SEC16A: variants seen among roughly 807,000 people sequenced by gnomAD.
The protein encoded by SEC16A is protein transport protein Sec16A.
A neutral mutation model predicts 221.9 loss-of-function variants in SEC16A; 110 were observed. The observed-to-expected ratio is 0.50, with a 90% CI of 0.42 to 0.58. The LOEUF (loss-of-function observed/expected upper bound fraction) is 0.58, where lower values mean the gene tolerates loss of function less well. SEC16A is among the 20% of genes least tolerant of loss of function. The pLI, the probability that SEC16A is intolerant of heterozygous loss-of-function variation, is 0.00. For synonymous variants in SEC16A, 1,393 were observed against 1,257.7 expected (o/e 1.11, Z -2.28); for missense variants, 3,165 against 3,097.8 (o/e 1.02, Z -0.52).
Position 136,475,378 on chromosome 9 carries a change from C to G in SEC16A, c.2238G>C (p.Ala746=). ...GCTGAGGTTTTGCACACACATAAAG[C>G]GCCGGGGCTGCAGGGGCCAGAAGGA... ...GNVLLAPAAP[A]LYVCAKPQPP... The change falls in exon 3 of 32, where the codon GCG becomes GCC. Residue 746 remains alanine (A), a synonymous_variant. Coordinates refer to ENST00000684901, the MANE Select transcript of SEC16A (RefSeq NM_014866.2). This position sits in a 1 kb window ranked among gnomAD's most constrained non-coding sequence, Gnocchi z 5.0. 1 of 1,609,132 alleles carries G rather than the reference C, an allele frequency of 6.2e-7. No individual in the cohort carries two copies. Among genetic ancestry groups the G allele is most frequent in the Non-Finnish European group, 8.5e-7 (1 of 1,176,848 alleles).
At position 136,476,930 on chromosome 9, in the gene SEC16A, C is replaced by T. The variant is rs751016125; in HGVS notation, c.686G>A (p.Arg229His). 3.1e-6 allele frequency: 5 copies of T among 1,611,962 alleles called. No individual in the cohort carries two copies. The highest frequency in any genetic ancestry group is 1.7e-5 in the Admixed American group (1 of 59,984). Residue 229 changes from arginine to histidine, a missense_variant, in exon 3 of 32, where the codon CGT becomes CAT. Around this residue, in one of 3 missense-constraint regions of SEC16A, gnomAD observed 2,030 missense variants for 1,923.1 expected, o/e 1.06. Transcript: ENST00000684901. ...QGGPQPSGQH[R>H]SPCPEGPVPS... The stretch of plus-strand genomic sequence containing the variant: ...AACAGGTCCTTCAGGGCAGGGTGAA[C>T]GATGTTGCCCCGAGGGCTGTGGGCC...
Position 136,476,270 on chromosome 9 carries a change from G to A in SEC16A, c.1346C>T (p.Pro449Leu), listed in dbSNP as rs376213692. The A allele has an allele frequency of 4.2e-5, 68 of 1,613,242 alleles. No homozygotes were observed. Among genetic ancestry groups the A allele is most frequent in the East Asian group, 4.0e-4 (18 of 44,880 alleles). Residue 449 changes from proline (P) to leucine (L), a missense_variant, in exon 3 of 32, where the codon CCG becomes CTG. Physicochemically the swap from Pro to Leu is moderately conservative, Grantham distance 98. Transcript: ENST00000684901. ...VWGDTASTGV[P>L]DASGSQYENV... Reference sequence around the variant, plus strand: ...CTCATACTGCGAGCCGCTGGCATCCGGCACCCCTGTGCTCGCTGTGTCACC... The same window carrying A: ...CTCATACTGCGAGCCGCTGGCATCCAGCACCCCTGTGCTCGCTGTGTCACC...
chr9:136,476,945 G>T lies in SEC16A; in HGVS notation c.671C>A (p.Pro224His), dbSNP rs560387522. ...GCAGGGTGAACGATGTTGCCCCGAG[G>T]GCTGTGGGCCTCCCTGCACTGGCCC... Reference protein sequence around the residue: ...QWGPVQGGPQPSGQHRSPCPE... With the variant: ...QWGPVQGGPQHSGQHRSPCPE... Residue 224 changes from proline to histidine, a missense_variant, in exon 3 of 32, where the codon CCC (proline) becomes CAC (histidine). Physicochemically the swap from Pro to His is moderately conservative, Grantham distance 77 (BLOSUM62 -2). Transcript: ENST00000684901. The T allele has an allele frequency of 6.2e-7, 1 of 1,612,730 alleles. No homozygotes were observed. The highest frequency in any genetic ancestry group is 8.5e-7 in the Non-Finnish European group (1 of 1,179,742).
chr9:136,457,609 C>T (rs1171028418), intron 17 of SEC16A, 25 bp from the exon 18 acceptor site: 2 of 1,597,590 alleles, frequency 1.3e-6, no homozygotes, highest in Admixed American at 1.7e-5. Context: ...GCCTTGCTGC[C>T]CTGCGGCTCC....
chr9:136,442,827 T>C (rs896576703), intron 31 of SEC16A, among the ~76,000 whole-genome samples: 1 of 152,180 alleles, frequency 6.6e-6, no homozygotes, highest in African/African-American at 2.4e-5. Context: ...GCCAGCCAGA[T>C]AGGCCGGAGG....
In SEC16A at chr9:136,443,680, C is replaced by G; in HGVS notation, c.7005+143G>C. On this transcript the variant is annotated intron_variant, in intron 31 of 31. Transcript: ENST00000684901. ...TCCAGCCTGGGCAACAGAGCAAGACCCTGTCTCAATAAATAAATAAATATA... is the reference window on the plus strand; with the variant it reads ...TCCAGCCTGGGCAACAGAGCAAGACGCTGTCTCAATAAATAAATAAATATA... 4 of 599,428 alleles carry G rather than the reference C, an allele frequency of 6.7e-6. No homozygotes were observed. In the South Asian group the frequency reaches 7.1e-5, roughly 11 times the overall value. The allele number at this position is 599,428 out of a possible 1,614,324, so 37.1% of individuals were successfully genotyped here.
Position 136,459,838 on chromosome 9 carries a change from G to A in SEC16A, c.5110C>T (p.His1704Tyr). The A allele has an allele frequency of 6.2e-7, 1 of 1,613,618 alleles. No homozygotes were observed. The highest frequency in any genetic ancestry group is 1.1e-5 in the South Asian group (1 of 90,984). ...GDEKWGDWRP[H>Y]LAMVLSNLNN... ...AAGTTGGACAAGACCATGGCGAGGTGCGGCCTCCAATCTCCCCATTTCTCG... is the reference window on the plus strand; with the variant it reads ...AAGTTGGACAAGACCATGGCGAGGTACGGCCTCCAATCTCCCCATTTCTCG... Residue 1704 changes from histidine to tyrosine, a missense_variant, in exon 15 of 32, where the codon CAC becomes TAC. Physicochemically the swap from His to Tyr is moderately conservative, Grantham distance 83 (BLOSUM62 2). This residue lies in a region of SEC16A where 1,088 missense variants were observed against 1,089.6 expected (regional missense o/e 1.00). Coordinates refer to ENST00000684901, the MANE Select transcript of SEC16A (RefSeq NM_014866.2). This position sits in a 1 kb window ranked among gnomAD's most constrained non-coding sequence, Gnocchi z 6.1.
In SEC16A at chr9:136,441,799, T is replaced by G; in HGVS notation, c.7030A>C (p.Arg2344=). The part of the protein sequence containing the change: ...AQACATSGSS[R]LGRIGQRKHL... ...TTCCTCTGGCCAATCCTCCCTAGCC[T>G]TGAGCTCCCGGAGGTGGCGCAGGCC... The change falls in exon 32 of 32, where the codon AGG becomes CGG. Residue 2344 remains arginine (R), a synonymous_variant. Coordinates refer to ENST00000684901, the MANE Select transcript of SEC16A (RefSeq NM_014866.2). The G allele has an allele frequency of 6.2e-7, 1 of 1,613,274 alleles. No homozygotes were observed. The highest frequency in any genetic ancestry group is 1.3e-5 in the African/African-American group (1 of 75,022).
At position 136,456,081 on chromosome 9, in the gene SEC16A, T is replaced by A. The variant is rs1838619326; in HGVS notation, c.5636A>T (p.His1879Leu). 6.2e-7 allele frequency: 1 copy of A among 1,612,982 alleles called. No homozygotes were observed. Among genetic ancestry groups the A allele is most frequent in the Non-Finnish European group, 8.5e-7 (1 of 1,179,560 alleles). ...AATCTGCCGCTCCACCTGCTGCAGG[T>A]GAACCAGCCACGTGGGTGCGGCCAA... ...ESLAAPTWLV[H>L]LQQVERQIKE... The change falls in exon 19 of 32, where the codon CAC (histidine) becomes CTC (leucine). Residue 1879 changes from histidine (H) to leucine (L), a missense_variant. Physicochemically the swap from His to Leu is moderately conservative, Grantham distance 99. This residue lies in a region of SEC16A where 1,088 missense variants were observed against 1,089.6 expected (regional missense o/e 1.00). Transcript: ENST00000684901.
At position 136,455,798 on chromosome 9, in the gene SEC16A, G is replaced by A. The variant is rs1338245387; in HGVS notation, c.5665-5C>T. 2 of 1,591,548 alleles carry A rather than the reference G, an allele frequency of 1.3e-6. No individual in the cohort carries two copies. The highest frequency in any genetic ancestry group is 1.7e-6 in the Non-Finnish European group (2 of 1,169,398). On this transcript the variant is annotated splice_region_variant and splice_polypyrimidine_tract_variant and intron_variant, in intron 19 of 31. Coordinates refer to ENST00000684901, the MANE Select transcript of SEC16A (RefSeq NM_014866.2). ...ATGCCATACTCCAGCCCCCTCCTGAGGGAGAACAAGACCTGCCCTGTGGAA... is the reference window on the plus strand; with the variant it reads ...ATGCCATACTCCAGCCCCCTCCTGAAGGAGAACAAGACCTGCCCTGTGGAA...
In SEC16A at chr9:136,474,539, T is replaced by C. The variant is rs1317025208; in HGVS notation, c.3077A>G (p.His1026Arg). 6.2e-7 allele frequency: 1 copy of C among 1,612,968 alleles called. No homozygotes were observed. The highest frequency in any genetic ancestry group is 8.5e-7 in the Non-Finnish European group (1 of 1,179,836). The change falls in exon 3 of 32, where the codon CAT becomes CGT. Residue 1026 changes from histidine to arginine, a missense_variant. His to Arg is a conservative substitution (Grantham distance 29). Around this residue, in one of 3 missense-constraint regions of SEC16A, gnomAD observed 2,030 missense variants for 1,923.1 expected, o/e 1.06. Coordinates refer to ENST00000684901, the MANE Select transcript of SEC16A (RefSeq NM_014866.2). ...SLASQQSVAS[H>R]PRQSGPGAPN... ...CGCCCCAGGCCCAGATTGTCTGGGA[T>C]GACTGGCAACACTTTGCTGAGAAGC...
chr9:136,479,098 C>T (rs1842008346), intron 1 of SEC16A, among the ~76,000 whole-genome samples: 2 of 152,142 alleles, frequency 1.3e-5, no homozygotes, highest in Non-Finnish European at 2.9e-5. Flanking sequence ...CAACAACAGG[C>T]AGAATTGCCA....
chr9:136,454,166 C>T lies in SEC16A; in HGVS notation c.6019G>A (p.Val2007Met). The change falls in exon 21 of 32, where the codon GTG becomes ATG. Residue 2007 changes from valine (V) to methionine (M), a missense_variant. This residue lies in a region of SEC16A where 1,088 missense variants were observed against 1,089.6 expected (regional missense o/e 1.00). Transcript: ENST00000684901. ...EPSGPGLPPG[V>M]PPLQERRHLL... ...TGTCTCCTTTCCTGCAGAGGTGGCA[C>T]ACCAGGTGGGAGGCCAGGCCCGGAG... 6.4e-7 allele frequency: 1 copy of T among 1,557,278 alleles called. No homozygotes were observed. The highest frequency in any genetic ancestry group is 8.7e-7 in the Non-Finnish European group (1 of 1,150,232).
chr9:136,482,419 T>C (rs1842497790), intron 1 of SEC16A, among the ~76,000 whole-genome samples: 1 of 152,220 alleles, frequency 6.6e-6, no homozygotes, highest in East Asian at 1.9e-4. Context: ...GGCTCTACTG[T>C]AACACTTCCA....
rs202234045 is a variant in SEC16A at position 136,474,819 on chromosome 9, C to T, written c.2797G>A (p.Val933Ile). The stretch of plus-strand genomic sequence containing the variant: ...CTTTCTGGAACCAAGTTCTCTGGAA[C>T]TGGCTGGGATGGTGGTTGAACCAGC... ...NLLVQPPSQP[V>I]PENLVPESQK... is the part of the protein sequence containing the mutation. The change falls in exon 3 of 32, where the codon GTT becomes ATT. Residue 933 changes from valine (V) to isoleucine (I), a missense_variant. Transcript: ENST00000684901. 1.2e-4 allele frequency: 200 copies of T among 1,613,994 alleles called. 1 individual carries two copies. In the African/African-American group the frequency reaches 1.5e-3, roughly 12 times the overall value.
chr9:136,460,682 C>T (rs1035171597), intron 13 of SEC16A, among the ~76,000 whole-genome samples: 3 of 151,482 alleles, frequency 2.0e-5, no homozygotes, highest in Non-Finnish European at 2.9e-5. Flanking sequence ...AAGGCCAAGG[C>T]GGGCAGATCC....
upstream of SEC16A, chr9:136,483,115 C>A (rs1031721259): frequency 2.7e-6 from 2 of 733,980 alleles, no homozygotes; most frequent in African/African-American, 1.9e-5. Context: ...GCCCCTGGCC[C>A]CGCCCCTCGG....
At chr9:136,462,455 T>G (rs1043052774) in intron 12 of SEC16A, among the ~76,000 whole-genome samples, 6 of 152,200 alleles carry the variant, frequency 3.9e-5, no homozygotes, top group Non-Finnish European at 7.3e-5. Context: ...CTCTTGCCCA[T>G]GGCCTTTCCA....
At chr9:136,473,695 AAG>A (rs1202264731) in intron 3 of SEC16A, among the ~76,000 whole-genome samples, 1 of 152,266 alleles carries the variant, frequency 6.6e-6, no homozygotes, top group Non-Finnish European at 1.5e-5. Context: ...CAAGGCATGC[AAG>A]ACAGAACTTT....
Sources: allele counts gnomAD v4.1 joint callset (sites outside exome capture counted in the v4.1 genomes callset), GRCh38; gene constraint gnomAD v4.1.1; regional missense constraint gnomAD v4.1.1; non-coding constraint Gnocchi (gnomAD v3.1); transcripts MANE v1.5; gene names NCBI Gene and HGNC (gene_info 2026-07-23, HGNC 2026-07-21).